The following CIT variants were observed in gnomAD, a reference collection of about 807,000 sequenced individuals.
CIT encodes citron rho-interacting serine/threonine kinase, also known as citron Rho-interacting kinase.
A neutral mutation model predicts 272.7 loss-of-function variants in CIT; 79 were observed. That is an observed-to-expected ratio of 0.29 (90% CI 0.24 to 0.35). The LOEUF (loss-of-function observed/expected upper bound fraction) is 0.35. CIT is among the 10% of genes least tolerant of loss of function. The pLI is 1.00. For synonymous variants in CIT, 948 were observed against 995.6 expected (o/e 0.95, Z 0.90); for missense variants, 1,909 against 2,618.3 (o/e 0.73, Z 5.91).
At chr12:119,789,740 C>T (rs1333459818) in intron 10 of CIT, among the ~76,000 whole-genome samples, 1 of 152,136 alleles carries the variant, frequency 6.6e-6, no homozygotes, top group East Asian at 1.9e-4. Flanking sequence ...CGGAGTCTCA[C>T]TCCGTCACCA....
intron 46 of CIT, among the ~76,000 whole-genome samples, chr12:119,692,071 C>G (rs1257753048): frequency 6.6e-6 from 1 of 152,156 alleles, no homozygotes; most frequent in East Asian, 1.9e-4. Context: ...CTAATTGTCT[C>G]AACAAAATTG....
Position 119,773,167 on chromosome 12 carries a change from C to T in CIT, c.1942-257G>A, listed in dbSNP as rs137941768. The stretch of plus-strand genomic sequence containing the variant: ...TTTTAACATCACTGAATTTGAAATC[C>T]ACCCCACAATTAAAATTGATGCATT... On this transcript the variant is annotated intron_variant, in intron 16 of 47. Transcript: ENST00000392521. Among the ~76,000 whole-genome samples, 748 of 151,896 alleles carry T rather than the reference C, an allele frequency of 4.9e-3. 8 individuals are homozygous for T. Among genetic ancestry groups the T allele is most frequent in the African/African-American group, 0.017 (695 of 41,422 alleles).
In CIT at chr12:119,712,116, C is replaced by T; in HGVS notation, c.4854+62G>A. 1.3e-6 allele frequency: 2 copies of T among 1,485,780 alleles called. No homozygotes were observed. The highest frequency in any genetic ancestry group is 1.8e-6 in the Non-Finnish European group (2 of 1,102,522). 92.0% of individuals were successfully genotyped at this position (1,485,780 alleles called of 1,614,324 possible). ...TGGCCAATGGGATTCTCGTCGTTAA[C>T]ACCAGTTACCAAGTCAGCCCCCTTT... On this transcript the variant is annotated intron_variant, in intron 37 of 47. Coordinates refer to ENST00000392521, the MANE Select transcript of CIT (RefSeq NM_001206999.2). The surrounding 1 kb of genome is among the most constrained non-coding windows in gnomAD (Gnocchi z 5.2).
chr12:119,789,118 C>T (rs953899253), intron 10 of CIT, among the ~76,000 whole-genome samples: 2 of 152,140 alleles, frequency 1.3e-5, no homozygotes, highest in African/African-American at 2.4e-5. Context: ...AGGCCCCATT[C>T]AGACCAATTA....
Position 119,804,280 on chromosome 12 carries a change from C to CTGGTGGT in CIT, c.1112-892_1112-891insACCACCA, listed in dbSNP as rs1966455288. On this transcript the variant is annotated intron_variant, in intron 9 of 47. Transcript: ENST00000392521. The surrounding 1 kb of genome is among the most constrained non-coding windows in gnomAD (Gnocchi z 5.3). ...CGTCCATCAGTCACCAGGAGGCTGC[C>CTGGTGGT]CATCGCGGTGGGCTCCCGGGGGTGT... 3.0e-6 allele frequency: 3 copies of CTGGTGGT among 985,398 alleles called. No homozygotes were observed. The highest frequency in any genetic ancestry group is 3.6e-6 in the Non-Finnish European group (3 of 830,002). The allele number at this position is 985,398 out of a possible 1,614,324, so 61.0% of individuals were successfully genotyped here.
rs879301510 is a variant in CIT, at chr12:119,686,210, G to C, written c.*2022C>G. ...AGCTAGTTCTATATAGCAGAAAGCA[G>C]TTCACAGATGAGACACACAATATAC... is the stretch of plus-strand genomic sequence containing the variant. On this transcript the variant is annotated 3_prime_UTR_variant, in exon 48 of 48. Coordinates refer to ENST00000392521, the MANE Select transcript of CIT (RefSeq NM_001206999.2). The C allele has an allele frequency of 1.3e-5, 2 of 152,174 alleles. No homozygotes were observed. The highest frequency in any genetic ancestry group is 2.9e-5 in the Non-Finnish European group (2 of 68,004). 9.4% of individuals were successfully genotyped at this position (152,174 alleles called of 1,614,324 possible).
intron 4 of CIT, among the ~76,000 whole-genome samples, chr12:119,853,324 CAAAA>C (rs199867661): frequency 1.2e-5 from 1 of 82,684 alleles, no homozygotes; most frequent in Admixed American, 1.5e-4. Context: ...ACTCTGTCTC[CAAAA>C]AAAAAAAAAA....
At chr12:119,845,626 C>G (rs1969741789) in intron 5 of CIT, among the ~76,000 whole-genome samples, 1 of 146,996 alleles carries the variant, frequency 6.8e-6, no homozygotes, top group Non-Finnish European at 1.5e-5. Context: ...GCACTCCAGC[C>G]TGGGCAACAG....
chr12:119,833,324 G>A (rs556662848), intron 6 of CIT, among the ~76,000 whole-genome samples: 1 of 152,040 alleles, frequency 6.6e-6, no homozygotes, highest in Non-Finnish European at 1.5e-5. Flanking sequence ...ATTCTCAGAT[G>A]TACACAAAAC....
intron 47 of CIT, among the ~76,000 whole-genome samples, chr12:119,689,604 G>A (rs1955801941): frequency 7.0e-6 from 1 of 142,594 alleles, no homozygotes; most frequent in Non-Finnish European, 1.5e-5. Flanking sequence ...TATATTTTGA[G>A]TTACATGCAT....
chr12:119,794,794 T>A (rs1156320810), intron 10 of CIT, among the ~76,000 whole-genome samples: 1 of 152,082 alleles, frequency 6.6e-6, no homozygotes, highest in African/African-American at 2.4e-5. Context: ...CCCATACCCA[T>A]CCTCGGACCT....
Position 119,690,224 on chromosome 12 carries a change from C to G in CIT, c.6113G>C (p.Arg2038Thr), listed in dbSNP as rs746634387. ...LSTRRERSPGRLFEDSSRGRL... is the reference protein window; with the variant it reads ...LSTRRERSPGTLFEDSSRGRL... ...GCCCCTGCTGCTGTCTTCAAACAGC[C>G]TCCCGGGGGACCGCTCTCTCCGCGT... Residue 2038 changes from arginine to threonine, a missense_variant, in exon 47 of 48, where the codon AGG (arginine) becomes ACG (threonine). Physicochemically the swap from Arg to Thr is moderately conservative, Grantham distance 71 (BLOSUM62 -1). This residue lies in a region of CIT where 780 missense variants were observed against 1,067.2 expected (regional missense o/e 0.73). Transcript: ENST00000392521. The surrounding 1 kb of genome is among the most constrained non-coding windows in gnomAD (Gnocchi z 6.0). 1 of 1,531,370 alleles carries G rather than the reference C, an allele frequency of 6.5e-7. No individual in the cohort carries two copies. Among genetic ancestry groups the G allele is most frequent in the African/African-American group, 1.4e-5 (1 of 70,742 alleles). The allele number at this position is 1,531,370 out of a possible 1,614,324, so 94.9% of individuals were successfully genotyped here.
At chr12:119,795,741 G>A (rs560191197) in intron 10 of CIT, among the ~76,000 whole-genome samples, 14 of 152,292 alleles carry the variant, frequency 9.2e-5, no homozygotes, top group Admixed American at 6.5e-4. Flanking sequence ...CAGAACCTCA[G>A]GAAAATAATC....
chr12:119,702,012 G>T, intron 41 of CIT, 54 bp from the exon 42 acceptor site: 1 of 1,334,036 alleles, frequency 7.5e-7, no homozygotes, highest in Non-Finnish European at 1.1e-6. Flanking sequence ...GGGCAGCCAA[G>T]GTCCACAGCT....
intron 21 of CIT, among the ~76,000 whole-genome samples, chr12:119,757,747 C>T (rs1029692623): frequency 6.6e-6 from 1 of 152,164 alleles, no homozygotes. Context: ...TACTCATCAC[C>T]ACTCAGTGTC....
intron 9 of CIT, among the ~76,000 whole-genome samples, chr12:119,810,861 G>A (rs910911105): frequency 2.6e-5 from 4 of 152,178 alleles, no homozygotes; most frequent in African/African-American, 9.7e-5. Context: ...GGGAATGAAC[G>A]AAGAGAACAG....
intron 28 of CIT, among the ~76,000 whole-genome samples, chr12:119,725,293 G>C (rs1958030084): frequency 6.6e-6 from 1 of 151,994 alleles, no homozygotes; most frequent in Non-Finnish European, 1.5e-5. Flanking sequence ...GGGAGTGCTG[G>C]TGTATACCTG....
At position 119,710,225 on chromosome 12, in the gene CIT, A is replaced by G. The variant is rs1957097784; in HGVS notation, c.5071+26T>C. ...TATTGGCTCCCTTGAAAGTAAAGAA[A>G]AAACACCATGTCCTTGGCCTCACAC... On this transcript the variant is annotated intron_variant, in intron 39 of 47. Coordinates refer to ENST00000392521, the MANE Select transcript of CIT (RefSeq NM_001206999.2). This position sits in a 1 kb window ranked among gnomAD's most constrained non-coding sequence, Gnocchi z 5.6. 6.2e-7 allele frequency: 1 copy of G among 1,603,074 alleles called. No individual in the cohort carries two copies. Among genetic ancestry groups the G allele is most frequent in the South Asian group, 1.1e-5 (1 of 89,816 alleles).
chr12:119,735,238 A>G lies in CIT; in HGVS notation c.3078T>C (p.Ile1026=). 2 of 1,614,126 alleles carry G rather than the reference A, an allele frequency of 1.2e-6. No individual in the cohort carries two copies. Among genetic ancestry groups the G allele is most frequent in the Non-Finnish European group, 1.7e-6 (2 of 1,180,018 alleles). The part of the protein sequence containing the change: ...LDEASGANDE[I]VQLRSEVDHL... The stretch of plus-strand genomic sequence containing the variant: ...GGTCCACTTCACTTCGCAGTTGTAC[A>G]ATCTCGTCGTTGGCGCCAGAAGCCT... Residue 1026 remains isoleucine, a synonymous_variant, in exon 25 of 48, where the codon ATT becomes ATC. Coordinates refer to ENST00000392521, the MANE Select transcript of CIT (RefSeq NM_001206999.2).
Sources: gnomAD v4.1 joint callset for allele counts (sites outside exome capture counted in the v4.1 genomes callset) on GRCh38, gnomAD v4.1.1 for gene constraint, gnomAD v4.1.1 regional missense constraint, Gnocchi (gnomAD v3.1) non-coding constraint, MANE v1.5 for transcripts, NCBI Gene and HGNC (gene_info 2026-07-23, HGNC 2026-07-21) for gene names.